SEMA3A: variants seen among roughly 807,000 people sequenced by gnomAD.
SEMA3A encodes the protein semaphorin-3A.
Under a neutral mutation model 97.9 loss-of-function variants are expected in SEMA3A, and 29 were observed. The ratio of observed to expected loss-of-function variants is 0.30; its 90% CI spans 0.22 to 0.40. The LOEUF (loss-of-function observed/expected upper bound fraction) is 0.40, where lower values mean the gene tolerates loss of function less well. SEMA3A is among the 10% of genes least tolerant of loss of function. The pLI is 1.00. For synonymous variants in SEMA3A, 321 were observed against 323.7 expected, an observed-to-expected ratio of 0.99 and a Z score of 0.09; for missense variants, 763 against 951.3, an observed-to-expected ratio of 0.80 and a Z score of 2.60.
At position 83,961,401 on chromosome 7, in the gene SEMA3A, G is replaced by T. The variant is rs561754532; in HGVS notation, c.2286C>A (p.His762Gln). 1 of 1,613,858 alleles carries T rather than the reference G, an allele frequency of 6.2e-7. No homozygotes were observed. The change falls in exon 17 of 17, where the codon CAC becomes CAA. Residue 762 changes from histidine to glutamine, a missense_variant. His to Gln is a conservative substitution (Grantham distance 24). Transcript: ENST00000265362. ...CACTCCTGGGTGCCCTCTCAAATTC[G>T]TGGGTCCTCCTGTTTCTACCTTTCT... Reference protein sequence around the residue: ...ENKKGRNRRTHEFERAPRSV With the variant: ...ENKKGRNRRTQEFERAPRSV
chr7:84,349,156 T>A (rs1332547749), intron 2 of SEMA3A, among the ~76,000 whole-genome samples: 1 of 152,134 alleles, frequency 6.6e-6, no homozygotes. Context: ...AGTTACATGA[T>A]CTATTCATTT....
chr7:84,324,926 C>T (rs990361786), intron 2 of SEMA3A, among the ~76,000 whole-genome samples: 22 of 152,048 alleles, frequency 1.4e-4, no homozygotes, highest in Admixed American at 5.2e-4. Context: ...CACTATAATT[C>T]GGTAGATGCA....
At chr7:84,222,946 T>A (rs1375432204) in intron 3 of SEMA3A, among the ~76,000 whole-genome samples, 1 of 151,912 alleles carries the variant, frequency 6.6e-6, no homozygotes, top group East Asian at 1.9e-4. Flanking sequence ...TCAGATGATT[T>A]CTACACCAGA....
At chr7:83,981,581 TA>T (rs1455407335) in intron 13 of SEMA3A, 103 bp from the exon 14 acceptor site, 1 of 1,018,204 alleles carries the variant, frequency 9.8e-7, no homozygotes, top group Admixed American at 3.6e-5. Context: ...AGAGATAAAT[TA>T]AGGGTTTAAA....
intron 2 of SEMA3A, 145 bp downstream of exon 2, chr7:84,134,649 T>G: frequency 3.5e-6 from 2 of 569,052 alleles, no homozygotes; most frequent in East Asian, 6.4e-5. Context: ...GATTCATTAC[T>G]GTCATTTTTA....
At chr7:84,218,256 G>T (rs1798795940) in intron 3 of SEMA3A, among the ~76,000 whole-genome samples, 1 of 151,864 alleles carries the variant, frequency 6.6e-6, no homozygotes, top group Non-Finnish European at 1.5e-5. Flanking sequence ...TTGTCGATGG[G>T]ATTTTTTAAT....
Position 83,956,280 on chromosome 7 carries a change from G to A in SEMA3A, c.*5091C>T, listed in dbSNP as rs546630194. ...CAATGTTGGAACTCATTGCTGAGTA[G>A]TCTAATGCTAGCTGAGTGAGGTAAG... On this transcript the variant is annotated 3_prime_UTR_variant, in exon 17 of 17. Coordinates refer to ENST00000265362, the MANE Select transcript of SEMA3A (RefSeq NM_006080.3). 6.0e-4 allele frequency: 91 copies of A among 152,254 alleles called. No homozygotes were observed. The highest frequency in any genetic ancestry group is 2.2e-3 in the African/African-American group (91 of 41,562). 9.4% of individuals were successfully genotyped at this position (152,254 alleles called of 1,614,324 possible).
chr7:84,428,611 A>C (rs1304855319), intron 1 of SEMA3A, among the ~76,000 whole-genome samples: 1 of 152,012 alleles, frequency 6.6e-6, no homozygotes, highest in African/African-American at 2.4e-5. Flanking sequence ...CTTATATCTC[A>C]AGCACTTTAT....
At chr7:84,044,488 C>A (rs1382041605) in intron 6 of SEMA3A, among the ~76,000 whole-genome samples, 1 of 151,758 alleles carries the variant, frequency 6.6e-6, no homozygotes, top group Admixed American at 6.6e-5. Context: ...AGAAGTTATG[C>A]CAAATTTAGA....
intron 2 of SEMA3A, among the ~76,000 whole-genome samples, chr7:84,367,318 C>T (rs1012271704): frequency 4.0e-5 from 6 of 151,270 alleles, no homozygotes; most frequent in African/African-American, 1.5e-4. Context: ...AGGTTATATG[C>T]CATTGCCTTA....
intron 14 of SEMA3A, among the ~76,000 whole-genome samples, chr7:83,980,613 A>G (rs1191669284): frequency 1.2e-5 from 1 of 81,546 alleles, no homozygotes; most frequent in Non-Finnish European, 2.4e-5. Flanking sequence ...CAAAAAAAAA[A>G]AAAAAAAAAA....
At chr7:84,013,925 C>T (rs1790988192) in intron 7 of SEMA3A, among the ~76,000 whole-genome samples, 1 of 152,090 alleles carries the variant, frequency 6.6e-6, no homozygotes, top group Non-Finnish European at 1.5e-5. Flanking sequence ...TACCTTCTCC[C>T]AGGTAAAATA....
intron 1 of SEMA3A, among the ~76,000 whole-genome samples, chr7:84,427,419 C>T (rs536160000): frequency 3.8e-4 from 58 of 151,934 alleles, no homozygotes; most frequent in African/African-American, 1.2e-3. Flanking sequence ...GAGGCTGAGG[C>T]GGGTAGATCA....
intron 1 of SEMA3A, among the ~76,000 whole-genome samples, chr7:84,142,656 A>G (rs1246496808): frequency 6.6e-6 from 1 of 152,146 alleles, no homozygotes; most frequent in Non-Finnish European, 1.5e-5. Context: ...GCATATTTAT[A>G]TTATTTTATT....
chr7:83,976,640 C>G (rs756071972), intron 15 of SEMA3A, among the ~76,000 whole-genome samples: 1 of 151,726 alleles, frequency 6.6e-6, no homozygotes, highest in Non-Finnish European at 1.5e-5. Flanking sequence ...AAGGGAATAC[C>G]CTACTAGTAA....
At chr7:84,307,843 G>A (rs1264521566) in intron 2 of SEMA3A, among the ~76,000 whole-genome samples, 1 of 151,920 alleles carries the variant, frequency 6.6e-6, no homozygotes, top group African/African-American at 2.4e-5. Context: ...TTTCAAACAT[G>A]AAATTTAAAA....
At chr7:84,178,676 A>G (rs1437857190) in intron 1 of SEMA3A, among the ~76,000 whole-genome samples, 1 of 152,048 alleles carries the variant, frequency 6.6e-6, no homozygotes, top group Non-Finnish European at 1.5e-5. Context: ...TAATTATTGC[A>G]ATTTTATAAA....
At chr7:84,368,277 T>A (rs556620928) in intron 2 of SEMA3A, among the ~76,000 whole-genome samples, 18 of 151,368 alleles carry the variant, frequency 1.2e-4, no homozygotes, top group African/African-American at 2.2e-4. Context: ...CAGTTTTTTT[T>A]ATGAAATTTA....
intron 1 of SEMA3A, among the ~76,000 whole-genome samples, chr7:84,417,451 A>G (rs528646386): frequency 1.1e-3 from 167 of 152,234 alleles, no homozygotes; most frequent in South Asian, 4.1e-3. Context: ...ATAAACATGT[A>G]TAAATGTAAA....
Sources: gnomAD v4.1 joint callset for allele counts (sites outside exome capture counted in the v4.1 genomes callset) on GRCh38, gnomAD v4.1.1 for gene constraint, MANE v1.5 for transcripts, NCBI Gene and HGNC (gene_info 2026-07-23, HGNC 2026-07-21) for gene names.